Variants in PFKFB3 observed in about 807,000 individuals in gnomAD.
PFKFB3 encodes the protein 6-phosphofructo-2-kinase/fructose-2,6-biphosphatase 3.
Under a neutral mutation model 68.0 loss-of-function variants are expected in PFKFB3, and 33 were observed. The observed-to-expected ratio is 0.49, with a 90% CI of 0.37 to 0.65. PFKFB3 has a LOEUF of 0.65. Among genes scored for constraint, PFKFB3 ranks in the 30% least tolerant of loss-of-function variants. PFKFB3 has a pLI of 0.00. For synonymous variants in PFKFB3, 315 were observed against 288.2 expected (o/e 1.09, Z -0.94); for missense variants, 586 against 712.2 (o/e 0.82, Z 2.02).
the PFKFB3 span, among the ~76,000 whole-genome samples, chr10:6,314,089 G>T: frequency 6.6e-6 from 1 of 152,216 alleles, no homozygotes; most frequent in African/African-American, 2.4e-5. Flanking sequence ...GAGAAGTAAA[G>T]CTTAGGATGA....
intron 1 of PFKFB3, among the ~76,000 whole-genome samples, chr10:6,163,629 C>T (rs897629455): frequency 6.6e-6 from 1 of 152,014 alleles, no homozygotes; most frequent in Non-Finnish European, 1.5e-5. Context: ...AGGTGCACCT[C>T]GGGCGCCTAA....
chr10:6,231,337 C>G, intron 14 of PFKFB3: 1 of 1,612,272 alleles, frequency 6.2e-7, no homozygotes, highest in Middle Eastern at 1.6e-4. Flanking sequence ...GTGCATGTCC[C>G]TCTGTCCCGC....
At position 6,192,251 on chromosome 10, in the gene PFKFB3, C is replaced by T. The variant is rs919861033; in HGVS notation, c.17-21372C>T. 1.1e-4 allele frequency among the ~76,000 whole-genome samples: 17 copies of T among 152,018 alleles called. 1 individual carries two copies. The highest frequency in any genetic ancestry group is 4.1e-4 in the African/African-American group (17 of 41,448). On this transcript the variant is annotated intron_variant, in intron 1 of 14. Coordinates refer to the PFKFB3 transcript ENST00000379789. ...CTCAACACTGGCGATGACAGACCGT[C>T]CCATTCTCTCATATGAACCCTACAC...
the PFKFB3 span, among the ~76,000 whole-genome samples, chr10:6,310,886 C>A: frequency 2.0e-5 from 3 of 152,150 alleles, no homozygotes; most frequent in Admixed American, 2.0e-4. Context: ...AATAGTATAT[C>A]TGCATCATTT....
the PFKFB3 span, among the ~76,000 whole-genome samples, chr10:6,318,344 C>T: frequency 6.6e-6 from 1 of 152,200 alleles, no homozygotes; most frequent in South Asian, 2.1e-4. Context: ...ACACCACCAG[C>T]TTCCTTCTGT....
At chr10:6,314,748 G>C in the PFKFB3 span, among the ~76,000 whole-genome samples, 1 of 152,170 alleles carries the variant, frequency 6.6e-6, no homozygotes, top group African/African-American at 2.4e-5. Flanking sequence ...CGGGTCGAAG[G>C]GTAGGAACTA....
rs1360052222 is a variant in PFKFB3 at position 6,154,207 on chromosome 10, G to T, written c.16+9194G>T. Among the ~76,000 whole-genome samples, 3 of 151,966 alleles carry T rather than the reference G, an allele frequency of 2.0e-5. No individual in the cohort carries two copies. The highest frequency in any genetic ancestry group is 4.4e-5 in the Non-Finnish European group (3 of 67,980). On this transcript the variant is annotated intron_variant, in intron 1 of 14. Transcript: ENST00000379789. This position sits in a 1 kb window ranked among gnomAD's most constrained non-coding sequence, Gnocchi z 4.6. Reference sequence around the variant, plus strand: ...TGTTTGGCCTCTCAGCTGGAGACAGGAAGGCCTGGGAGGGTTTTGGTGGAG... The same window carrying T: ...TGTTTGGCCTCTCAGCTGGAGACAGTAAGGCCTGGGAGGGTTTTGGTGGAG...
intron 11 of PFKFB3, 46 bp downstream of exon 11, chr10:6,223,030 T>C: frequency 6.3e-7 from 1 of 1,585,922 alleles, no homozygotes. Context: ...AGGAGGGGAC[T>C]GGCACTCGGC....
chr10:6,200,764 T>A (rs999367561), upstream of PFKFB3, among the ~76,000 whole-genome samples: 1 of 151,298 alleles, frequency 6.6e-6, no homozygotes, highest in Admixed American at 6.6e-5. Flanking sequence ...AAGAACATAG[T>A]CTTCCCTCTA....
chr10:6,221,488 G>A lies in PFKFB3; in HGVS notation c.939G>A (p.Leu313=). ...STIQTAEALR[L]PYEQWKALNE... ...TCCAGACGGCCGAGGCGCTGCGGCT[G>A]CCCTACGAGCAGTGGAAGGCGCTCA... Residue 313 remains leucine (L), a synonymous_variant, in exon 9 of 15, where the codon CTG becomes CTA. Coordinates refer to ENST00000379775, the MANE Select transcript of PFKFB3 (RefSeq NM_004566.4). The A allele has an allele frequency of 1.2e-6, 2 of 1,613,522 alleles. No individual in the cohort carries two copies. The highest frequency in any genetic ancestry group is 1.7e-6 in the Non-Finnish European group (2 of 1,180,018).
At chr10:6,162,404 G>C in intron 1 of PFKFB3, among the ~76,000 whole-genome samples, 1 of 152,220 alleles carries the variant, frequency 6.6e-6, no homozygotes, top group Non-Finnish European at 1.5e-5. Flanking sequence ...TATATACAAG[G>C]AATAATCTTT....
chr10:6,163,783 C>A (rs1303838830), intron 1 of PFKFB3: 1 of 151,778 alleles, frequency 6.6e-6, no homozygotes, highest in East Asian at 1.9e-4. Flanking sequence ...CCCGCCCTTC[C>A]CGGGCCGTGC....
At chr10:6,313,990 A>T in the PFKFB3 span, among the ~76,000 whole-genome samples, 1 of 152,224 alleles carries the variant, frequency 6.6e-6, no homozygotes, top group African/African-American at 2.4e-5. The surrounding 1 kb of genome is among the most constrained non-coding windows in gnomAD (Gnocchi z 4.2). Flanking sequence ...GGTATGGGTG[A>T]GGATACAGAG....
the PFKFB3 span, among the ~76,000 whole-genome samples, chr10:6,274,289 C>G: frequency 8.9e-4 from 135 of 152,210 alleles, 1 homozygote; most frequent in South Asian, 1.0e-3. Context: ...ATACAGTGTA[C>G]TGAAGCTTTT....
At chr10:6,324,818 A>AG in the PFKFB3 span, among the ~76,000 whole-genome samples, 2 of 151,980 alleles carry the variant, frequency 1.3e-5, no homozygotes, top group East Asian at 3.8e-4. Flanking sequence ...CACAATTTAA[A>AG]GGAAAAAAAA....
the PFKFB3 span, among the ~76,000 whole-genome samples, chr10:6,324,376 G>C: frequency 4.1e-3 from 623 of 152,286 alleles, 6 homozygotes; most frequent in African/African-American, 0.013. Context: ...TTTTACAACA[G>C]GAAAAGAGTT....
intron 14 of PFKFB3, among the ~76,000 whole-genome samples, chr10:6,247,549 G>A (rs143858317): frequency 7.3e-4 from 111 of 152,314 alleles, no homozygotes; most frequent in African/African-American, 2.6e-3. Context: ...CCTTCATTAA[G>A]CGAAAAGCTG....
At chr10:6,231,073 C>G (rs1028481920) in intron 14 of PFKFB3, among the ~76,000 whole-genome samples, 2 of 152,100 alleles carry the variant, frequency 1.3e-5, no homozygotes, top group Non-Finnish European at 2.9e-5. Flanking sequence ...AACAACTGTC[C>G]GGACCTGGTG....
chr10:6,205,931 G>T (rs187853373), intron 1 of PFKFB3, among the ~76,000 whole-genome samples: 19 of 151,802 alleles, frequency 1.3e-4, no homozygotes, highest in Admixed American at 1.2e-3. Flanking sequence ...TCCAGTAGCC[G>T]GGACTATAAG....
Sources: gnomAD v4.1 joint callset for allele counts (sites outside exome capture counted in the v4.1 genomes callset) on GRCh38, gnomAD v4.1.1 for gene constraint, Gnocchi (gnomAD v3.1) non-coding constraint, MANE v1.5 for transcripts, NCBI Gene and HGNC (gene_info 2026-07-23, HGNC 2026-07-21) for gene names.